The following MTMR3 variants were observed in gnomAD, a reference collection of about 807,000 sequenced individuals.
MTMR3 encodes the protein phosphatidylinositol-3,5-bisphosphate 3-phosphatase MTMR3.
MTMR3 carries 32 observed loss-of-function variants against 132.4 expected under a neutral mutation model. The ratio of observed to expected loss-of-function variants is 0.24; its 90% CI spans 0.18 to 0.32. MTMR3 has a LOEUF of 0.32. Ranked by LOEUF, MTMR3 falls within the 10% of genes least tolerant of loss-of-function variation. The pLI is 1.00. For missense variants in MTMR3, 1,216 were observed against 1,489.6 expected (o/e 0.82, Z 3.02); for synonymous variants, 556 against 550.3 (o/e 1.01, Z -0.14).
At chr22:29,936,362 C>T (rs2065750279) in intron 1 of MTMR3, among the ~76,000 whole-genome samples, 1 of 152,036 alleles carries the variant, frequency 6.6e-6, no homozygotes, top group South Asian at 2.1e-4. Context: ...CTTTTTGCTT[C>T]CTTGTTCTTA....
intron 13 of MTMR3, 143 bp from the exon 14 acceptor site, chr22:30,013,213 A>G (rs1237826749): frequency 4.3e-6 from 3 of 695,930 alleles, no homozygotes; most frequent in Non-Finnish European, 4.8e-6. Context: ...CTCATCAGGG[A>G]TAGAGCCTTC....
intron 11 of MTMR3, 180 bp from the exon 12 acceptor site, chr22:30,008,838 A>G: frequency 2.1e-6 from 1 of 468,940 alleles, no homozygotes; most frequent in Non-Finnish European, 3.8e-6. Context: ...AGATAGCTAA[A>G]ATTCAGTGTG....
At chr22:29,971,177 CTTTTT>C (rs2066527523) in intron 3 of MTMR3, 115 bp downstream of exon 3, 1 of 1,054,944 alleles carries the variant, frequency 9.5e-7, no homozygotes, top group Non-Finnish European at 1.3e-6. Context: ...GAAATTATTT[CTTTTT>C]CTTTCCCAGA....
chr22:30,002,638 T>C (rs1029519849), intron 8 of MTMR3: 1 of 374,886 alleles, frequency 2.7e-6, no homozygotes, highest in African/African-American at 2.0e-5. Flanking sequence ...CAAGATAGTA[T>C]CATTTGTTGT....
At chr22:29,963,437 T>C (rs1363434218) in intron 2 of MTMR3, among the ~76,000 whole-genome samples, 1 of 149,772 alleles carries the variant, frequency 6.7e-6, no homozygotes, top group East Asian at 1.9e-4. Context: ...GTCACCAGGC[T>C]GGAGGGCAAT....
chr22:29,996,627 ATCTC>A (rs1335579745), intron 7 of MTMR3: 1 of 152,192 alleles, frequency 6.6e-6, no homozygotes, highest in African/African-American at 2.4e-5. Context: ...GGGGGAAAAA[ATCTC>A]TTAATGAACT....
chr22:29,904,758 G>A lies in MTMR3; in HGVS notation c.-138+21399G>A, dbSNP rs148841664. On this transcript the variant is annotated intron_variant, in intron 1 of 19. Coordinates refer to ENST00000401950, the MANE Select transcript of MTMR3 (RefSeq NM_021090.4). ...AAAATATTCAAAGATGATAGAATAA[G>A]TAGCAAGGGGAGTTGATTTTAGCAG... is the stretch of plus-strand genomic sequence containing the variant. 2.7e-3 allele frequency among the ~76,000 whole-genome samples: 404 copies of A among 152,236 alleles called. 3 individuals carry two copies. The highest frequency in any genetic ancestry group is 9.3e-3 in the African/African-American group (386 of 41,528).
chr22:29,933,743 T>A (rs1236960279), intron 1 of MTMR3, among the ~76,000 whole-genome samples: 2 of 151,456 alleles, frequency 1.3e-5, no homozygotes, highest in African/African-American at 4.8e-5. Context: ...GTTTTTTTTT[T>A]TTTTTTTTTA....
intron 14 of MTMR3, chr22:30,014,399 C>T (rs898538084): frequency 1.3e-5 from 2 of 152,232 alleles, no homozygotes; most frequent in African/African-American, 2.4e-5. Flanking sequence ...CCTTCTAGTA[C>T]TTCCTTGCAG....
intron 1 of MTMR3, among the ~76,000 whole-genome samples, chr22:29,896,439 A>G (rs1046882432): frequency 1.3e-5 from 2 of 152,146 alleles, no homozygotes; most frequent in Non-Finnish European, 2.9e-5. Flanking sequence ...ATCAGCTTCG[A>G]TGATTGCTCT....
intron 1 of MTMR3, among the ~76,000 whole-genome samples, chr22:29,891,718 C>T (rs887132567): frequency 6.6e-6 from 1 of 151,974 alleles, no homozygotes; most frequent in Non-Finnish European, 1.5e-5. Context: ...CAGGTGTGAG[C>T]CACCGTGCAT....
At position 30,026,282 on chromosome 22, in the gene MTMR3, G is replaced by C. The variant is rs2067910120; in HGVS notation, c.*481G>C. The C allele has an allele frequency of 6.2e-6, 1 of 160,952 alleles. No individual in the cohort carries two copies. The highest frequency in any genetic ancestry group is 1.4e-5 in the Non-Finnish European group (1 of 72,808). The allele number at this position is 160,952 out of a possible 1,614,324, so 10.0% of individuals were successfully genotyped here. A position where few individuals can be genotyped will look rare whatever the true frequency, so the allele number is the denominator to read the frequency against. Reference sequence around the variant, plus strand: ...GCTGGTTGGGAACCCTTTGCTGCTGGGGAGGCTGGAAGCATATTCCCCAAG... The same window carrying C: ...GCTGGTTGGGAACCCTTTGCTGCTGCGGAGGCTGGAAGCATATTCCCCAAG... On this transcript the variant is annotated 3_prime_UTR_variant, in exon 20 of 20. Transcript: ENST00000401950.
intron 12 of MTMR3, chr22:30,011,523 C>G (rs1241454338): frequency 1.3e-5 from 2 of 152,226 alleles, no homozygotes; most frequent in Non-Finnish European, 2.9e-5. Context: ...CCACTATGCC[C>G]AGCTAATTTT....
chr22:30,019,961 C>G lies in MTMR3; in HGVS notation c.2302C>G (p.Gln768Glu), dbSNP rs749249278. Residue 768 changes from glutamine (Q) to glutamate (E), a missense_variant, in exon 17 of 20, where the codon CAG (glutamine) becomes GAG (glutamate). Transcript: ENST00000401950. ...TCTGTTCTCACAGGGCATTTCTGAA[C>G]AGCAGAGTGGGCTCAGTGTTCTCCT... ...WPLFSQGISEQQSGLSVLLSS... is the reference protein window; with the variant it reads ...WPLFSQGISEEQSGLSVLLSS... 1 of 1,614,198 alleles carries G rather than the reference C, an allele frequency of 6.2e-7. No homozygotes were observed. The highest frequency in any genetic ancestry group is 2.2e-5 in the East Asian group (1 of 44,874).
At chr22:29,979,166 G>GC in intron 5 of MTMR3, 114 bp downstream of exon 5, 2 of 744,432 alleles carry the variant, frequency 2.7e-6, no homozygotes, top group Non-Finnish European at 4.6e-6. Flanking sequence ...AGCATTATGT[G>GC]CTCTGCTTTT....
intron 1 of MTMR3, among the ~76,000 whole-genome samples, chr22:29,907,126 C>T (rs548038041): frequency 2.6e-5 from 4 of 151,304 alleles, no homozygotes; most frequent in Non-Finnish European, 4.4e-5. Flanking sequence ...TTTGGCCAGG[C>T]GTGATGGGTC....
At chr22:29,920,584 C>T (rs1046562425) in intron 1 of MTMR3, among the ~76,000 whole-genome samples, 1 of 152,122 alleles carries the variant, frequency 6.6e-6, no homozygotes, top group Non-Finnish European at 1.5e-5. Flanking sequence ...GATATGGTTG[C>T]TATTTAAACT....
chr22:30,012,435 C>A lies in MTMR3; in HGVS notation c.1189C>A (p.Leu397Met), dbSNP rs754913918. The A allele has an allele frequency of 6.2e-7, 1 of 1,614,190 alleles. No homozygotes were observed. Among genetic ancestry groups the A allele is most frequent in the Admixed American group, 1.7e-5 (1 of 60,008 alleles). The change falls in exon 13 of 20, where the codon CTG (leucine) becomes ATG (methionine). Residue 397 changes from leucine to methionine, a missense_variant. This residue lies in a region of MTMR3 where 106 missense variants were observed against 209.5 expected (regional missense o/e 0.51). Coordinates refer to ENST00000401950, the MANE Select transcript of MTMR3 (RefSeq NM_021090.4). ...GTCTGTGCTTCTGAAATCAGCGCTTCTGGTAGTGCATGCTGTGGATCAGGA... is the reference window on the plus strand; with the variant it reads ...GTCTGTGCTTCTGAAATCAGCGCTTATGGTAGTGCATGCTGTGGATCAGGA... ...HLSVLLKSAL[L>M]VVHAVDQDQR... is the part of the protein sequence containing the mutation.
chr22:29,924,181 T>C (rs1358174226), intron 1 of MTMR3, among the ~76,000 whole-genome samples: 3 of 152,226 alleles, frequency 2.0e-5, no homozygotes, highest in Non-Finnish European at 4.4e-5. Context: ...GTTAGGTCTT[T>C]GATCCATTTG....
Sources: allele counts gnomAD v4.1 joint callset (sites outside exome capture counted in the v4.1 genomes callset), GRCh38; gene constraint gnomAD v4.1.1; regional missense constraint gnomAD v4.1.1; transcripts MANE v1.5; gene names NCBI Gene and HGNC (gene_info 2026-07-23, HGNC 2026-07-21).